Variants in LRRFIP1 observed in about 807,000 individuals in gnomAD.
LRRFIP1 encodes LRR binding FLII interacting protein 1.
LRRFIP1 carries 62 observed loss-of-function variants against 104.4 expected under a neutral mutation model. That is an observed-to-expected ratio of 0.59 (90% CI 0.48 to 0.73). The LOEUF (loss-of-function observed/expected upper bound fraction) is 0.73, where lower values mean the gene tolerates loss of function less well. Ranked by LOEUF, LRRFIP1 falls within the 30% of genes least tolerant of loss-of-function variation. The pLI is 0.00. For missense variants in LRRFIP1, 796 were observed against 824.5 expected, an observed-to-expected ratio of 0.97 and a Z score of 0.42; for synonymous variants, 300 against 299.0, an observed-to-expected ratio of 1.00 and a Z score of -0.03.
At chr2:237,666,452 A>G (rs1304558589) in intron 1 of LRRFIP1, among the ~76,000 whole-genome samples, 1 of 152,266 alleles carries the variant, frequency 6.6e-6, no homozygotes, top group Non-Finnish European at 1.5e-5. Context: ...CAAAGGTTTT[A>G]ATTAGAGTCA....
At chr2:237,696,414 T>C (rs901782132) in intron 1 of LRRFIP1, among the ~76,000 whole-genome samples, 3 of 152,200 alleles carry the variant, frequency 2.0e-5, no homozygotes, top group Non-Finnish European at 4.4e-5. Context: ...CATGCTTGTC[T>C]TCTCATCGTG....
chr2:237,747,115 T>C (rs943496145), intron 11 of LRRFIP1, among the ~76,000 whole-genome samples: 1 of 152,170 alleles, frequency 6.6e-6, no homozygotes, highest in African/African-American at 2.4e-5. Context: ...TTAGCTTGGA[T>C]CTGTTGAGTA....
chr2:237,684,110 A>G (rs2092118559), intron 1 of LRRFIP1: 1 of 152,180 alleles, frequency 6.6e-6, no homozygotes, highest in Non-Finnish European at 1.5e-5. Context: ...ACTGAGGCAA[A>G]GCCACATAAA....
At chr2:237,692,893 G>A (rs2092914223) in intron 1 of LRRFIP1, among the ~76,000 whole-genome samples, 1 of 152,264 alleles carries the variant, frequency 6.6e-6, no homozygotes, top group South Asian at 2.1e-4. Context: ...GGACCGGGTG[G>A]CCAGAGCCGG....
chr2:237,763,516 T>C, intron 19 of LRRFIP1: 1 of 1,613,624 alleles, frequency 6.2e-7, no homozygotes, highest in Non-Finnish European at 8.5e-7. Context: ...AGAACACAGA[T>C]TTAAGTGAAA....
At chr2:237,755,067 A>T (rs1576295582) in intron 15 of LRRFIP1, among the ~76,000 whole-genome samples, 1 of 152,196 alleles carries the variant, frequency 6.6e-6, no homozygotes, top group South Asian at 2.1e-4. Flanking sequence ...ATCTCAGATC[A>T]CCCGCCTGAC....
At chr2:237,662,101 G>T (rs2088109252) in intron 1 of LRRFIP1, among the ~76,000 whole-genome samples, 1 of 152,186 alleles carries the variant, frequency 6.6e-6, no homozygotes, top group Non-Finnish European at 1.5e-5. Flanking sequence ...GCTCTGAGGG[G>T]AAGGTGTTCC....
chr2:237,643,672 G>A (rs1262374155), intron 1 of LRRFIP1, among the ~76,000 whole-genome samples: 1 of 152,238 alleles, frequency 6.6e-6, no homozygotes, highest in Non-Finnish European at 1.5e-5. Flanking sequence ...TTGGCACACA[G>A]CAGACCCTGG....
chr2:237,700,518 G>A (rs2093455311), intron 1 of LRRFIP1, among the ~76,000 whole-genome samples: 1 of 152,206 alleles, frequency 6.6e-6, no homozygotes, highest in African/African-American at 2.4e-5. Context: ...TTCTCTGCTT[G>A]ACGCTAAAAC....
In LRRFIP1 at chr2:237,651,318, T is replaced by C. The variant is rs1290612654; in HGVS notation, c.96+23578T>C. Among the ~76,000 whole-genome samples, 12 of 152,352 alleles carry C rather than the reference T, an allele frequency of 7.9e-5. No homozygotes were observed. The East Asian group carries it at 2.3e-3, about 29-fold the overall frequency. On this transcript the variant is annotated intron_variant, in intron 1 of 23. Transcript: ENST00000308482. ...AGTGTGCACATCTAAAGCAGCACTG[T>C]GTTCTCACACAACCACAATGCTTTC...
At chr2:237,670,522 C>A (rs943517749) in intron 1 of LRRFIP1, among the ~76,000 whole-genome samples, 2 of 152,244 alleles carry the variant, frequency 1.3e-5, no homozygotes, top group African/African-American at 4.8e-5. Context: ...ACAGTACGTG[C>A]CTCACCGAGC....
chr2:237,679,703 A>G (rs114682971), intron 1 of LRRFIP1, among the ~76,000 whole-genome samples: 1,809 of 152,150 alleles, frequency 0.012, 27 homozygotes, highest in East Asian at 0.047. Context: ...CTGCCAACTG[A>G]GTTCAAGTGA....
chr2:237,723,424 G>A (rs529985687), intron 6 of LRRFIP1, 124 bp from the exon 7 acceptor site: 1 of 950,752 alleles, frequency 1.1e-6, no homozygotes, highest in East Asian at 2.5e-5. Flanking sequence ...AGAAATTATG[G>A]AAAAATGCAT....
At chr2:237,742,597 T>C (rs1389768945) in intron 11 of LRRFIP1, among the ~76,000 whole-genome samples, 8 of 152,260 alleles carry the variant, frequency 5.3e-5, no homozygotes, top group Admixed American at 2.0e-4. Context: ...CCAAAACTCA[T>C]GGTCCTCTTA....
chr2:237,746,062 ATT>A (rs201079085), intron 11 of LRRFIP1, among the ~76,000 whole-genome samples: 69 of 141,044 alleles, frequency 4.9e-4, no homozygotes, highest in African/African-American at 1.3e-3. Context: ...TATTTTATTT[ATT>A]TTTTTTTTTT....
intron 12 of LRRFIP1, among the ~76,000 whole-genome samples, chr2:237,748,727 A>G (rs935776511): frequency 2.0e-5 from 3 of 152,190 alleles, no homozygotes; most frequent in African/African-American, 7.2e-5. Context: ...AGAGTTTCCA[A>G]TTTGGAAATG....
At chr2:237,704,310 G>A (rs1280400782) in intron 1 of LRRFIP1, among the ~76,000 whole-genome samples, 1 of 151,848 alleles carries the variant, frequency 6.6e-6, no homozygotes, top group East Asian at 1.9e-4. Flanking sequence ...CCACCACCAC[G>A]CCCAGCTAAT....
At chr2:237,772,631 ACT>A in intron 21 of LRRFIP1, 1 of 576,816 alleles carries the variant, frequency 1.7e-6, no homozygotes, top group Non-Finnish European at 3.1e-6. Flanking sequence ...ACTCATAGGC[ACT>A]CTCTTGCCTG....
intron 4 of LRRFIP1, among the ~76,000 whole-genome samples, chr2:237,718,346 G>A (rs1017248983): frequency 9.2e-5 from 14 of 152,208 alleles, no homozygotes; most frequent in African/African-American, 3.4e-4. Flanking sequence ...CGCTGTGCCT[G>A]CCGAAACCAC....
Sources: allele counts gnomAD v4.1 joint callset (sites outside exome capture counted in the v4.1 genomes callset), GRCh38; gene constraint gnomAD v4.1.1; transcripts MANE v1.5; gene names NCBI Gene and HGNC (gene_info 2026-07-23, HGNC 2026-07-21).